ANGPT1: variants seen among roughly 807,000 people sequenced by gnomAD.
ANGPT1 encodes the protein angiopoietin-1.
ANGPT1 carries 17 observed loss-of-function variants against 62.2 expected under a neutral mutation model. The ratio of observed to expected loss-of-function variants is 0.27; its 90% CI spans 0.19 to 0.41. The LOEUF (loss-of-function observed/expected upper bound fraction) is 0.41, where lower values mean the gene tolerates loss of function less well. ANGPT1 is among the 10% of genes least tolerant of loss of function. The pLI is 1.00. For missense variants in ANGPT1, 478 were observed against 594.9 expected, an observed-to-expected ratio of 0.80 and a Z score of 2.04; for synonymous variants, 199 against 198.9, an observed-to-expected ratio of 1.00 and a Z score of 0.00.
At chr8:107,475,726 A>G (rs1421522308) in intron 1 of ANGPT1, among the ~76,000 whole-genome samples, 2 of 152,234 alleles carry the variant, frequency 1.3e-5, no homozygotes, top group African/African-American at 2.4e-5. Context: ...AAAGAACTCA[A>G]ACAAATTGAG....
intron 1 of ANGPT1, among the ~76,000 whole-genome samples, chr8:107,416,280 T>G (rs1270201540): frequency 6.6e-6 from 1 of 152,176 alleles, no homozygotes; most frequent in African/African-American, 2.4e-5. Flanking sequence ...CATGATTCCC[T>G]CTGTAGGTTC....
intron 1 of ANGPT1, among the ~76,000 whole-genome samples, chr8:107,457,618 G>C (rs959169543): frequency 3.3e-5 from 5 of 151,614 alleles, no homozygotes; most frequent in Non-Finnish European, 4.4e-5. Context: ...ACAAGCACAC[G>C]TGTCAGCTCT....
At chr8:107,297,442 G>T (rs756093282) in intron 5 of ANGPT1, among the ~76,000 whole-genome samples, 5 of 151,564 alleles carry the variant, frequency 3.3e-5, no homozygotes, top group Non-Finnish European at 7.4e-5. Context: ...CACTTAATAG[G>T]CATTGACACT....
At chr8:107,270,656 T>G (rs1270539948) in intron 7 of ANGPT1, among the ~76,000 whole-genome samples, 2 of 152,064 alleles carry the variant, frequency 1.3e-5, no homozygotes, top group African/African-American at 4.8e-5. Context: ...TGGAGATATA[T>G]TCTATAACTC....
At chr8:107,395,163 T>C (rs1816911309) in intron 1 of ANGPT1, among the ~76,000 whole-genome samples, 1 of 152,206 alleles carries the variant, frequency 6.6e-6, no homozygotes, top group South Asian at 2.1e-4. Context: ...TTATTCACCA[T>C]GTCTTCATTG....
intron 1 of ANGPT1, among the ~76,000 whole-genome samples, chr8:107,491,226 A>G (rs1433021213): frequency 6.6e-6 from 1 of 152,122 alleles, no homozygotes; most frequent in Non-Finnish European, 1.5e-5. Flanking sequence ...CATAGTGTCT[A>G]TGAAAATAGA....
intron 1 of ANGPT1, among the ~76,000 whole-genome samples, chr8:107,379,551 A>AC (rs889180715): frequency 1.5e-4 from 3 of 20,536 alleles, no homozygotes; most frequent in Non-Finnish European, 1.2e-3. Context: ...AGAGGAGGTT[A>AC]AAAAAAAAAG....
intron 1 of ANGPT1, among the ~76,000 whole-genome samples, chr8:107,434,476 T>C (rs1306784758): frequency 1.3e-5 from 2 of 152,110 alleles, no homozygotes; most frequent in African/African-American, 4.8e-5. Context: ...AACGAAATCG[T>C]GTATTGACCT....
At chr8:107,462,317 G>A (rs753883096) in intron 1 of ANGPT1, among the ~76,000 whole-genome samples, 1 of 151,650 alleles carries the variant, frequency 6.6e-6, no homozygotes, top group African/African-American at 2.4e-5. Flanking sequence ...AAGCAGTACA[G>A]ATTGTGTCTG....
chr8:107,293,197 G>GTGATGATGATGATGATGA (rs5893837), intron 6 of ANGPT1, among the ~76,000 whole-genome samples: 1 of 148,662 alleles, frequency 6.7e-6, no homozygotes, highest in Non-Finnish European at 1.5e-5. Flanking sequence ...GAGAAGAACT[G>GTGATGATGATGATGATGA]TGATGATGAT....
intron 2 of ANGPT1, among the ~76,000 whole-genome samples, chr8:107,340,548 C>T (rs966035973): frequency 1.3e-4 from 20 of 151,786 alleles, no homozygotes; most frequent in Non-Finnish European, 2.9e-5. Context: ...AAGAAAATCT[C>T]TTTTTTTTAG....
intron 1 of ANGPT1, among the ~76,000 whole-genome samples, chr8:107,353,588 A>G (rs2130179878): frequency 6.6e-6 from 1 of 152,180 alleles, no homozygotes; most frequent in African/African-American, 2.4e-5. Flanking sequence ...CCCCCTGGTC[A>G]TTGAGCCTCA....
intron 1 of ANGPT1, among the ~76,000 whole-genome samples, chr8:107,432,322 A>AT (rs1392880153): frequency 1.3e-5 from 2 of 152,180 alleles, no homozygotes; most frequent in Non-Finnish European, 2.9e-5. Context: ...TTTCCAGAGA[A>AT]TTTTCTGAGA....
chr8:107,391,551 C>T (rs955957632), intron 1 of ANGPT1, among the ~76,000 whole-genome samples: 5 of 152,084 alleles, frequency 3.3e-5, no homozygotes. Context: ...CCTTTAACCC[C>T]AGCTACTTGA....
Position 107,264,136 on chromosome 8 carries a change from A to G in ANGPT1, c.1336+85T>C, listed in dbSNP as rs2275995. 195 of 1,467,232 alleles carry G rather than the reference A, an allele frequency of 1.3e-4. 3 individuals carry two copies. In the East Asian group the frequency reaches 4.6e-3, roughly 35 times the overall value. 90.9% of individuals were successfully genotyped at this position (1,467,232 alleles called of 1,614,324 possible). A position where few individuals can be genotyped will look rare whatever the true frequency, so the allele number is the denominator to read the frequency against. ...CTTGCTCTTAAGTTTCCTGACCATA[A>G]GATCATACTCCTTTCTCATAGATAA... On this transcript the variant is annotated intron_variant, in intron 8 of 8. Transcript: ENST00000517746.
intron 1 of ANGPT1, among the ~76,000 whole-genome samples, chr8:107,459,189 C>T (rs942865469): frequency 6.6e-6 from 1 of 152,036 alleles, no homozygotes; most frequent in Non-Finnish European, 1.5e-5. Flanking sequence ...CCAAGAGCTC[C>T]GCAACTCCAT....
intron 1 of ANGPT1, among the ~76,000 whole-genome samples, chr8:107,358,446 T>C (rs1453367180): frequency 1.3e-5 from 2 of 152,118 alleles, no homozygotes; most frequent in Admixed American, 1.3e-4. Context: ...ACAAAGGCCA[T>C]TTTGGTGCCC....
chr8:107,458,000 A>T (rs1811968362), intron 1 of ANGPT1, among the ~76,000 whole-genome samples: 1 of 152,024 alleles, frequency 6.6e-6, no homozygotes. Flanking sequence ...TTATGATCAT[A>T]TTGAGTGTGA....
intron 1 of ANGPT1, among the ~76,000 whole-genome samples, chr8:107,400,484 G>A (rs1221511953): frequency 1.3e-5 from 2 of 151,664 alleles, no homozygotes; most frequent in Non-Finnish European, 1.5e-5. Flanking sequence ...TGTCAACTAG[G>A]AAAAACAGGA....
Sources: gnomAD v4.1 joint callset for allele counts (sites outside exome capture counted in the v4.1 genomes callset) on GRCh38, gnomAD v4.1.1 for gene constraint, MANE v1.5 for transcripts, NCBI Gene and HGNC (gene_info 2026-07-23, HGNC 2026-07-21) for gene names.